Variants in KCNJ6 observed in about 807,000 individuals in gnomAD.
The protein encoded by KCNJ6 is G protein-activated inward rectifier potassium channel 2.
In KCNJ6, 9 loss-of-function variants were observed where a neutral mutation model predicts 34.2. The ratio of observed to expected loss-of-function variants is 0.26; its 90% confidence interval spans 0.16 to 0.46. The LOEUF (loss-of-function observed/expected upper bound fraction) is 0.46, where lower values mean the gene tolerates loss of function less well. Ranked by LOEUF, KCNJ6 falls within the 20% of genes least tolerant of loss-of-function variation. The probability of loss-of-function intolerance (pLI) is 1.00; values close to 1 mark genes in which losing one functional copy is unlikely to be tolerated. For missense variants in KCNJ6, 236 were observed against 531.3 expected (o/e 0.44, Z 5.46); for synonymous variants, 196 against 207.1 (o/e 0.95, Z 0.46).
chr21:37,839,718 G>A (rs1158040459), intron 2 of KCNJ6, among the ~76,000 whole-genome samples: 2 of 152,136 alleles, frequency 1.3e-5, no homozygotes, highest in African/African-American at 4.8e-5. Flanking sequence ...TATTCATATG[G>A]TCTTTAATAA....
intron 3 of KCNJ6, among the ~76,000 whole-genome samples, chr21:37,688,383 A>ATTTTT (rs1368139180): frequency 2.6e-5 from 3 of 114,202 alleles, no homozygotes; most frequent in East Asian, 2.1e-4. Flanking sequence ...TTTTTTTTAA[A>ATTTTT]AAATCTACTA....
chr21:37,691,707 G>C (rs144812140), intron 3 of KCNJ6, among the ~76,000 whole-genome samples: 68 of 152,262 alleles, frequency 4.5e-4, no homozygotes, highest in African/African-American at 1.3e-3. Context: ...TATGACAGTG[G>C]GATATAGTGA....
At chr21:37,678,691 A>T (rs1363863659) in intron 3 of KCNJ6, among the ~76,000 whole-genome samples, 4 of 152,168 alleles carry the variant, frequency 2.6e-5, no homozygotes, top group African/African-American at 4.8e-5. Context: ...CAGGTAGATG[A>T]ATGAATGGAT....
In KCNJ6 at chr21:37,886,615, T is replaced by A. The variant is rs185875270; in HGVS notation, c.-28+29269A>T. 6.1e-4 allele frequency among the ~76,000 whole-genome samples: 93 copies of A among 152,324 alleles called. 1 individual carries two copies. In the South Asian group the frequency reaches 0.012, roughly 20 times the overall value. On this transcript the variant is annotated intron_variant, in intron 1 of 3. Coordinates refer to ENST00000609713, the MANE Select transcript of KCNJ6 (RefSeq NM_002240.5). ...CACGCATATAGGCTACTTTTAAGTA[T>A]AACCTACGATTAAGTCTCTGGATTT...
At chr21:37,733,457 T>A (rs1348524562) in intron 2 of KCNJ6, among the ~76,000 whole-genome samples, 1 of 152,170 alleles carries the variant, frequency 6.6e-6, no homozygotes, top group African/African-American at 2.4e-5. Context: ...AGATTTGGGG[T>A]TTCAAAGACT....
intron 2 of KCNJ6, among the ~76,000 whole-genome samples, chr21:37,728,988 G>T (rs1336468054): frequency 6.6e-6 from 1 of 152,104 alleles, no homozygotes; most frequent in Non-Finnish European, 1.5e-5. Flanking sequence ...TGTGTCCCTT[G>T]AGCTGTTGTG....
chr21:37,901,702 G>A (rs2055817634), intron 1 of KCNJ6, among the ~76,000 whole-genome samples: 2 of 152,218 alleles, frequency 1.3e-5, no homozygotes, highest in South Asian at 4.1e-4. Context: ...TAAGTGTGCT[G>A]TGCTGGACAC....
chr21:37,907,857 C>T (rs1266846137), intron 1 of KCNJ6, among the ~76,000 whole-genome samples: 1 of 152,194 alleles, frequency 6.6e-6, no homozygotes, highest in Non-Finnish European at 1.5e-5. Flanking sequence ...CTGCCTATTC[C>T]CTTCTGCACA....
rs77002635 is a variant in KCNJ6 at position 37,871,307 on chromosome 21, G to A, written c.-27-30598C>T. Among the ~76,000 whole-genome samples the A allele has an allele frequency of 7.2e-5, 11 of 152,288 alleles. No homozygotes were observed. The East Asian group carries it at 2.1e-3, about 29-fold the overall frequency. ...TGTTGTGTCCACTCCTCTGATCCTG[G>A]TGTTCTGCTCTGCCTTGCACCGTAA... On this transcript the variant is annotated intron_variant, in intron 1 of 3. Transcript: ENST00000609713.
At position 37,618,953 on chromosome 21, in the gene KCNJ6, T is replaced by C. The variant is rs2054281794; in HGVS notation, c.*6206A>G. On this transcript the variant is annotated 3_prime_UTR_variant, in exon 4 of 4. Transcript: ENST00000609713. ...AGTTTTATGGTGTTGAACTTTGAGA[T>C]TTGTTTCCTCCCACTTAGTTGTTTC... 6.6e-6 allele frequency: 1 copy of C among 152,234 alleles called. No individual in the cohort carries two copies. The highest frequency in any genetic ancestry group is 6.5e-5 in the Admixed American group (1 of 15,284). The allele number at this position is 152,234 out of a possible 1,614,324, so 9.4% of individuals were successfully genotyped here. A position where few individuals can be genotyped will look rare whatever the true frequency, so the allele number is the denominator to read the frequency against.
intron 1 of KCNJ6, among the ~76,000 whole-genome samples, chr21:37,873,018 TTTATAAA>T (rs2055660135): frequency 6.6e-6 from 1 of 152,208 alleles, no homozygotes; most frequent in Non-Finnish European, 1.5e-5. Flanking sequence ...ACCTCATTCC[TTTATAAA>T]TTACCCAGTC....
chr21:37,679,067 T>C (rs2054579559), intron 3 of KCNJ6, among the ~76,000 whole-genome samples: 1 of 152,212 alleles, frequency 6.6e-6, no homozygotes, highest in Non-Finnish European at 1.5e-5. Context: ...TTAGCTATCA[T>C]GTTGTGAGGA....
At chr21:37,881,423 T>C (rs1343635792) in intron 1 of KCNJ6, among the ~76,000 whole-genome samples, 4 of 152,090 alleles carry the variant, frequency 2.6e-5, no homozygotes, top group Non-Finnish European at 5.9e-5. Flanking sequence ...AGCCTATAGA[T>C]GGGCAGACCT....
chr21:37,812,051 G>T (rs1254000836), intron 2 of KCNJ6, among the ~76,000 whole-genome samples: 1 of 152,198 alleles, frequency 6.6e-6, no homozygotes, highest in Admixed American at 6.5e-5. Flanking sequence ...ACATGGAATA[G>T]CTAAACTACT....
rs2054228696 is a variant in KCNJ6 at position 37,607,556 on chromosome 21, A to G, written c.*17603T>C. On this transcript the variant is annotated 3_prime_UTR_variant, in exon 4 of 4. Transcript: ENST00000609713. ...CATAATTTGTGCTTTCGCATTGAGC[A>G]TGCTTTCGTCTCATTGTCCGTGCAC... 1 of 150,422 alleles carries G rather than the reference A, an allele frequency of 6.6e-6. No individual in the cohort carries two copies. Among genetic ancestry groups the G allele is most frequent in the South Asian group, 2.1e-4 (1 of 4,784 alleles). The allele number at this position is 150,422 out of a possible 1,614,324, so 9.3% of individuals were successfully genotyped here. A position where few individuals can be genotyped will look rare whatever the true frequency, so the allele number is the denominator to read the frequency against.
chr21:37,657,865 G>T (rs1465353830), intron 3 of KCNJ6, among the ~76,000 whole-genome samples: 1 of 152,266 alleles, frequency 6.6e-6, no homozygotes, highest in Non-Finnish European at 1.5e-5. Context: ...CGGCATCTGA[G>T]AAATCAGTAT....
rs111538463 is a variant in KCNJ6 at position 37,902,307 on chromosome 21, G to C, written c.-28+13577C>G. Among the ~76,000 whole-genome samples, 442 of 152,320 alleles carry C rather than the reference G, an allele frequency of 2.9e-3. 1 individual carries two copies. The highest frequency in any genetic ancestry group is 0.01 in the African/African-American group (425 of 41,562). On this transcript the variant is annotated intron_variant, in intron 1 of 3. Transcript: ENST00000609713. ...TCCATCGTTTAAATATCACATCTGA[G>C]TGACATCTAGAATGGATGTTTTTGC...
chr21:37,903,306 G>A (rs1311374792), intron 1 of KCNJ6, among the ~76,000 whole-genome samples: 2 of 152,136 alleles, frequency 1.3e-5, no homozygotes, highest in African/African-American at 4.8e-5. Flanking sequence ...TTATAAAGAG[G>A]CATTCCCCCG....
At chr21:37,786,823 T>C (rs1230499856) in intron 2 of KCNJ6, among the ~76,000 whole-genome samples, 3 of 152,224 alleles carry the variant, frequency 2.0e-5, no homozygotes, top group Non-Finnish European at 2.9e-5. Flanking sequence ...CCTGACCAGA[T>C]ACATAAAGTT....
Sources: allele counts gnomAD v4.1 joint callset (sites outside exome capture counted in the v4.1 genomes callset), GRCh38; gene constraint gnomAD v4.1.1; transcripts MANE v1.5; gene names NCBI Gene and HGNC (gene_info 2026-07-23, HGNC 2026-07-21).